Variants in LOC400499 observed in about 807,000 individuals in gnomAD.
chr16:11,447,505 G>A, the LOC400499 span, among the ~76,000 whole-genome samples: 2 of 152,166 alleles, frequency 1.3e-5, no homozygotes, highest in Non-Finnish European at 2.9e-5. Flanking sequence ...CAACGATGCT[G>A]CTGTTCCTTT....
At chr16:11,426,594 AGCTACTGCAAT>A in the LOC400499 span, among the ~76,000 whole-genome samples, 1 of 151,960 alleles carries the variant, frequency 6.6e-6, no homozygotes. Flanking sequence ...TGTATTTCTT[AGCTACTGCAAT>A]AAGAAAAAAA....
At chr16:11,508,688 C>G in the LOC400499 span, 2 of 398,952 alleles carry the variant, frequency 5.0e-6, no homozygotes, top group Non-Finnish European at 8.8e-6. Flanking sequence ...AAGAAAGACT[C>G]TGGCCTGGGG....
At chr16:11,461,040 C>T in the LOC400499 span, 1 of 1,536,056 alleles carries the variant, frequency 6.5e-7, no homozygotes, top group Non-Finnish European at 8.7e-7. Flanking sequence ...GGGCACGAAG[C>T]CCCACCAGCC....
chr16:11,408,472 T>A, the LOC400499 span, among the ~76,000 whole-genome samples: 1 of 137,506 alleles, frequency 7.3e-6, no homozygotes, highest in Non-Finnish European at 1.6e-5. Context: ...TTTTTTTTTT[T>A]AGACAGAGAC....
At chr16:11,375,436 C>T in the LOC400499 span, among the ~76,000 whole-genome samples, 2 of 140,874 alleles carry the variant, frequency 1.4e-5, 1 homozygote, top group Non-Finnish European at 3.0e-5. Context: ...GCCTCAGCCT[C>T]TTGAGCAGCT....
the LOC400499 span, chr16:11,391,722 G>T: frequency 8.1e-7 from 1 of 1,232,250 alleles, no homozygotes; most frequent in Non-Finnish European, 1.0e-6. Flanking sequence ...CAGGTAAAGA[G>T]GCAGGTGCTG....
At chr16:11,373,545 G>T in the LOC400499 span, among the ~76,000 whole-genome samples, 1 of 151,954 alleles carries the variant, frequency 6.6e-6, no homozygotes, top group Non-Finnish European at 1.5e-5. Context: ...GGCTGGTCTC[G>T]AACTTTTGAC....
At chr16:11,391,999 G>A in the LOC400499 span, 1 of 415,762 alleles carries the variant, frequency 2.4e-6, no homozygotes, top group African/African-American at 2.0e-5. Flanking sequence ...CTCCCCTGCT[G>A]TGATACCCAC....
the LOC400499 span, among the ~76,000 whole-genome samples, chr16:11,421,290 CT>C: frequency 6.6e-6 from 1 of 152,328 alleles, no homozygotes; most frequent in East Asian, 1.9e-4. Context: ...GCTCCCTGGA[CT>C]TTCCCCCCAG....
chr16:11,520,842 A>G, the LOC400499 span, among the ~76,000 whole-genome samples: 6 of 152,244 alleles, frequency 3.9e-5, no homozygotes, highest in Admixed American at 3.9e-4. Context: ...TTTTTTCTCT[A>G]AAAATATATT....
the LOC400499 span, among the ~76,000 whole-genome samples, chr16:11,380,205 C>A: frequency 1.3e-5 from 2 of 151,512 alleles, no homozygotes; most frequent in African/African-American, 4.9e-5. Context: ...AATTACAATA[C>A]AGGTCTTTAT....
chr16:11,389,155 G>A, the LOC400499 span, among the ~76,000 whole-genome samples: 1 of 152,102 alleles, frequency 6.6e-6, no homozygotes. Flanking sequence ...CACCTGGAGC[G>A]CTCTTACCAC....
the LOC400499 span, among the ~76,000 whole-genome samples, chr16:11,400,004 C>T: frequency 6.6e-6 from 1 of 151,902 alleles, no homozygotes; most frequent in Non-Finnish European, 1.5e-5. Flanking sequence ...CTGCCTACCC[C>T]CATCTCTGGA....
the LOC400499 span, among the ~76,000 whole-genome samples, chr16:11,408,409 T>C: frequency 1.3e-5 from 2 of 151,810 alleles, no homozygotes; most frequent in Admixed American, 6.6e-5. Flanking sequence ...GAGGATGTTT[T>C]GCAAAATAAC....
chr16:11,438,646 G>C, the LOC400499 span, among the ~76,000 whole-genome samples: 1 of 148,522 alleles, frequency 6.7e-6, no homozygotes, highest in East Asian at 2.0e-4. Context: ...AAAATTAGCT[G>C]GGTGTTGTGG....
the LOC400499 span, among the ~76,000 whole-genome samples, chr16:11,442,790 C>T: frequency 6.6e-6 from 1 of 152,214 alleles, no homozygotes. Flanking sequence ...ATGGCGCCGG[C>T]TCTGCAATCT....
At chr16:11,431,403 G>C in the LOC400499 span, among the ~76,000 whole-genome samples, 1 of 152,052 alleles carries the variant, frequency 6.6e-6, no homozygotes, top group African/African-American at 2.4e-5. Flanking sequence ...CTGATATTGA[G>C]CTTTTTTTCA....
the LOC400499 span, among the ~76,000 whole-genome samples, chr16:11,492,717 A>C: frequency 6.6e-6 from 1 of 151,924 alleles, no homozygotes; most frequent in Non-Finnish European, 1.5e-5. Flanking sequence ...CCCAGGAGGC[A>C]GAGCTTGCAG....
the LOC400499 span, among the ~76,000 whole-genome samples, chr16:11,504,571 G>A: frequency 2.0e-5 from 3 of 149,890 alleles, no homozygotes; most frequent in Non-Finnish European, 1.5e-5. Context: ...CCAAAAAAAA[G>A]ACGGATACGT....
Sources: gnomAD v4.1 joint callset for allele counts (sites outside exome capture counted in the v4.1 genomes callset) on GRCh38, gnomAD v4.1.1 for gene constraint, MANE v1.5 for transcripts.